The following AURKA variants were observed in gnomAD, a reference collection of about 807,000 sequenced individuals.
The protein encoded by AURKA is aurora 2.
In AURKA, 12 loss-of-function variants were observed where a neutral mutation model predicts 40.9. The ratio of observed to expected loss-of-function variants is 0.29; its 90% confidence interval spans 0.19 to 0.48. AURKA has a LOEUF of 0.48. Among genes scored for constraint, AURKA ranks in the 20% least tolerant of loss-of-function variants. AURKA has a pLI of 0.99. For missense variants in AURKA, 322 were observed against 462.1 expected, an observed-to-expected ratio of 0.70 and a Z score of 2.78; for synonymous variants, 170 against 164.3, an observed-to-expected ratio of 1.03 and a Z score of -0.26.
chr20:56,381,651 A>G (rs6024840), intron 5 of AURKA, 80 bp from the exon 6 acceptor site: 445,606 of 1,564,156 alleles, frequency 0.28, 70,963 homozygotes, highest in East Asian at 0.68. Context: ...CAAACTCTTC[A>G]TGTAAAACCA....
intron 3 of AURKA, among the ~76,000 whole-genome samples, chr20:56,385,112 C>T (rs1359608052): frequency 6.6e-6 from 1 of 152,202 alleles, no homozygotes; most frequent in African/African-American, 2.4e-5. Context: ...TTGCCCAGTT[C>T]TAATGAGTCT....
At chr20:56,384,243 C>T (rs757305696) in intron 4 of AURKA, 27 bp downstream of exon 4, 1 of 1,569,350 alleles carries the variant, frequency 6.4e-7, no homozygotes, top group South Asian at 1.1e-5. Flanking sequence ...TAGAACAGTA[C>T]AGAACTTTGT....
intron 7 of AURKA, 123 bp from the exon 8 acceptor site, chr20:56,370,782 G>A: frequency 9.8e-7 from 1 of 1,017,442 alleles, no homozygotes; most frequent in South Asian, 1.6e-5. Context: ...TGTGCCCTAG[G>A]AAGTAGCTAC....
In AURKA at chr20:56,373,357, G is replaced by C. The variant is rs767053751; in HGVS notation, c.854+51C>G. 4.3e-6 allele frequency: 7 copies of C among 1,611,902 alleles called. No individual in the cohort carries two copies. Among genetic ancestry groups the C allele is most frequent in the Non-Finnish European group, 5.1e-6 (6 of 1,179,610 alleles). Reference sequence around the variant, plus strand: ...ATATTTTACATTTAGCTCACGGTTAGCTCCCAGGGCTTTGGTAAACCAAAC... The same window carrying C: ...ATATTTTACATTTAGCTCACGGTTACCTCCCAGGGCTTTGGTAAACCAAAC... On this transcript the variant is annotated intron_variant, in intron 7 of 8. Transcript: ENST00000395915. The surrounding 1 kb of genome is among the most constrained non-coding windows in gnomAD (Gnocchi z 5.0).
At position 56,369,693 on chromosome 20, in the gene AURKA, T is replaced by G; in HGVS notation, c.*465A>C. The G allele has an allele frequency of 5.9e-6, 2 of 341,150 alleles. No individual in the cohort carries two copies. Among genetic ancestry groups the G allele is most frequent in the Non-Finnish European group, 1.1e-5 (2 of 182,070 alleles). 21.1% of individuals were successfully genotyped at this position (341,150 alleles called of 1,614,324 possible). ...GTACATATATCTTTATTTTCATACT[T>G]AAAAAGAATCACATACTCATTCCAA... On this transcript the variant is annotated 3_prime_UTR_variant, in exon 9 of 9. Coordinates refer to ENST00000395915, the MANE Select transcript of AURKA (RefSeq NM_198437.3).
chr20:56,385,281 G>A (rs1724274896), intron 3 of AURKA, among the ~76,000 whole-genome samples: 1 of 152,128 alleles, frequency 6.6e-6, no homozygotes, highest in Non-Finnish European at 1.5e-5. Flanking sequence ...GAGATGACGT[G>A]GATGAAGCAC....
intron 4 of AURKA, 138 bp downstream of exon 4, chr20:56,384,132 G>A (rs373484293): frequency 3.4e-5 from 21 of 611,472 alleles, no homozygotes; most frequent in East Asian, 2.3e-4. Context: ...TTTTAAGATT[G>A]GAAATCTGGA....
At chr20:56,387,899 C>T (rs1986561160) in intron 2 of AURKA, among the ~76,000 whole-genome samples, 1 of 151,954 alleles carries the variant, frequency 6.6e-6, no homozygotes, top group Admixed American at 6.6e-5. Flanking sequence ...CTGCCAGATG[C>T]ATTATTACTA....
At chr20:56,391,598 C>T (rs1168188397) in intron 1 of AURKA, among the ~76,000 whole-genome samples, 1 of 152,130 alleles carries the variant, frequency 6.6e-6, no homozygotes, top group Non-Finnish European at 1.5e-5. Flanking sequence ...TACAACTGCT[C>T]CAAGGTCTAC....
chr20:56,370,543 A>G lies in AURKA; in HGVS notation c.971T>C (p.Val324Ala). The change falls in exon 8 of 9, where the codon GTT (valine) becomes GCT (alanine). Residue 324 changes from valine (V) to alanine (A), a missense_variant. Physicochemically the swap from Val to Ala is moderately conservative, Grantham distance 64 (BLOSUM62 0). Coordinates refer to ENST00000395915, the MANE Select transcript of AURKA (RefSeq NM_198437.3). Reference sequence around the variant, plus strand: ...GTTTGCCTCAAAAGGAGGCTTCCCAACTAAAAATTCATAGCAAAGAACTCC... The same window carrying G: ...GTTTGCCTCAAAAGGAGGCTTCCCAGCTAAAAATTCATAGCAAAGAACTCC... ...SLGVLCYEFL[V>A]GKPPFEANTY... The G allele has an allele frequency of 6.2e-7, 1 of 1,614,198 alleles. No homozygotes were observed. Among genetic ancestry groups the G allele is most frequent in the East Asian group, 2.2e-5 (1 of 44,888 alleles).
At position 56,369,550 on chromosome 20, in the gene AURKA, A is replaced by C; in HGVS notation, c.*608T>G. 4.1e-6 allele frequency: 1 copy of C among 242,316 alleles called. No individual in the cohort carries two copies. Among genetic ancestry groups the C allele is most frequent in the Admixed American group, 5.0e-5 (1 of 20,066 alleles). The allele number at this position is 242,316 out of a possible 1,614,324, so 15.0% of individuals were successfully genotyped here. A position where few individuals can be genotyped will look rare whatever the true frequency, so the allele number is the denominator to read the frequency against. On this transcript the variant is annotated 3_prime_UTR_variant, in exon 9 of 9. Coordinates refer to ENST00000395915, the MANE Select transcript of AURKA (RefSeq NM_198437.3). The stretch of plus-strand genomic sequence containing the variant: ...TAGAGCACGTGTTCCTATTTTTCAC[A>C]CTCTCATATGGGAGATAAGTGGTTA...
chr20:56,378,735 T>C (rs1985289462), intron 6 of AURKA, among the ~76,000 whole-genome samples: 1 of 151,934 alleles, frequency 6.6e-6, no homozygotes, highest in South Asian at 2.1e-4. Flanking sequence ...CCTCCAAAAA[T>C]ACACAGATGA....
At chr20:56,376,889 G>A (rs927757927) in intron 6 of AURKA, among the ~76,000 whole-genome samples, 2 of 152,188 alleles carry the variant, frequency 1.3e-5, no homozygotes, top group African/African-American at 4.8e-5. Context: ...AGACCAGACT[G>A]GCCAACATGA....
intron 5 of AURKA, 55 bp downstream of exon 5, chr20:56,382,930 G>T: frequency 6.3e-7 from 1 of 1,588,242 alleles, no homozygotes; most frequent in Non-Finnish European, 8.6e-7. Flanking sequence ...ATTACAGGAG[G>T]GGGAGGGGTG....
At chr20:56,380,819 G>C (rs990877160) in intron 6 of AURKA, among the ~76,000 whole-genome samples, 1 of 152,138 alleles carries the variant, frequency 6.6e-6, no homozygotes, top group African/African-American at 2.4e-5. Flanking sequence ...GAAAAACTAA[G>C]AAAATCTGAA....
At chr20:56,388,093 C>T (rs201926111) in intron 2 of AURKA, 63 bp downstream of exon 2, 6 of 592,638 alleles carry the variant, frequency 1.0e-5, no homozygotes, top group South Asian at 2.1e-5. Context: ...AAAGAATTCC[C>T]GACAAGACCA....
chr20:56,373,425 T>C lies in AURKA; in HGVS notation c.837A>G (p.Val279=). The C allele has an allele frequency of 6.2e-7, 1 of 1,613,816 alleles. No individual in the cohort carries two copies. Among genetic ancestry groups the C allele is most frequent in the Non-Finnish European group, 8.5e-7 (1 of 1,180,032 alleles). Residue 279 remains valine, a synonymous_variant, in exon 7 of 9, where the codon GTA becomes GTG. Transcript: ENST00000395915. The surrounding 1 kb of genome is among the most constrained non-coding windows in gnomAD (Gnocchi z 5.0). ...ELKIADFGWS[V]HAPSSRRTTL... is the part of the protein sequence containing the mutation. ...TTACATACCTGGAAGATGGAGCATG[T>C]ACTGACCACCCAAAATCTGCAATTT...
intron 4 of AURKA, 63 bp from the exon 5 acceptor site, chr20:56,383,239 T>C: frequency 1.3e-6 from 2 of 1,528,478 alleles, no homozygotes; most frequent in Non-Finnish European, 1.8e-6. Flanking sequence ...AAATTTTCAA[T>C]GAGTAGCAGA....
At position 56,384,126 on chromosome 20, in the gene AURKA, A is replaced by C. The variant is rs978761852; in HGVS notation, c.374+144T>G. 4.9e-6 allele frequency: 3 copies of C among 612,034 alleles called. No individual in the cohort carries two copies. The African/African-American group carries it at 5.6e-5, about 11-fold the overall frequency. The allele number at this position is 612,034 out of a possible 1,614,324, so 37.9% of individuals were successfully genotyped here. On this transcript the variant is annotated intron_variant, in intron 4 of 8. Coordinates refer to ENST00000395915, the MANE Select transcript of AURKA (RefSeq NM_198437.3). ...CATTACACAAAATTCCATTTTTTTT[A>C]AGATTGGAAATCTGGAAACATTTAT...
Sources: gnomAD v4.1 joint callset for allele counts (sites outside exome capture counted in the v4.1 genomes callset) on GRCh38, gnomAD v4.1.1 for gene constraint, Gnocchi (gnomAD v3.1) non-coding constraint, MANE v1.5 for transcripts, NCBI Gene and HGNC (gene_info 2026-07-23, HGNC 2026-07-21) for gene names.